SSH2: variants seen among roughly 807,000 people sequenced by gnomAD.
The protein encoded by SSH2 is protein phosphatase Slingshot homolog 2.
In SSH2, 37 loss-of-function variants were observed where a neutral mutation model predicts 135.2. The observed-to-expected ratio is 0.27, with a 90% CI of 0.21 to 0.36. SSH2 has a LOEUF of 0.36. SSH2 is among the 10% of genes least tolerant of loss of function. SSH2 has a pLI of 1.00. For missense variants in SSH2, 1,408 were observed against 1,765.3 expected (o/e 0.80, Z 3.63); for synonymous variants, 628 against 646.2 (o/e 0.97, Z 0.43).
chr17:29,662,247 A>G (rs1403313575), intron 11 of SSH2, among the ~76,000 whole-genome samples: 1 of 152,188 alleles, frequency 6.6e-6, no homozygotes, highest in Non-Finnish European at 1.5e-5. Flanking sequence ...TTTTCATGCT[A>G]TCCTCAGGAA....
chr17:29,756,262 T>G (rs1041790425), intron 3 of SSH2, among the ~76,000 whole-genome samples: 31 of 133,270 alleles, frequency 2.3e-4, no homozygotes, highest in East Asian at 2.3e-3. Context: ...AGACTCTGTC[T>G]CAAAAAAAAA....
intron 1 of SSH2, among the ~76,000 whole-genome samples, chr17:29,918,688 A>C (rs1195120239): frequency 6.6e-6 from 1 of 151,992 alleles, no homozygotes; most frequent in Non-Finnish European, 1.5e-5. Context: ...TGTAATCCCA[A>C]CACTTTGGGA....
chr17:29,693,844 C>G (rs2038599242), intron 5 of SSH2, among the ~76,000 whole-genome samples: 1 of 152,148 alleles, frequency 6.6e-6, no homozygotes, highest in African/African-American at 2.4e-5. Flanking sequence ...TTAAAATGAT[C>G]TTTTCCTCCT....
At chr17:29,758,166 T>G (rs911653943) in intron 3 of SSH2, among the ~76,000 whole-genome samples, 1 of 152,178 alleles carries the variant, frequency 6.6e-6, no homozygotes, top group Non-Finnish European at 1.5e-5. Context: ...AAACTCAGTA[T>G]AGCAAATATA....
At chr17:29,761,164 G>A (rs1167903551) in intron 3 of SSH2, 1 of 1,289,492 alleles carries the variant, frequency 7.8e-7, no homozygotes. Context: ...GGTTGATGGC[G>A]TTCTGCGAGA....
intron 2 of SSH2, among the ~76,000 whole-genome samples, chr17:29,812,574 A>G (rs2042462557): frequency 6.6e-6 from 1 of 152,136 alleles, no homozygotes; most frequent in East Asian, 1.9e-4. Flanking sequence ...GTCAGCCACT[A>G]CGCCCAGCCT....
chr17:29,771,467 T>G (rs563649318), intron 3 of SSH2, among the ~76,000 whole-genome samples: 11 of 152,344 alleles, frequency 7.2e-5, no homozygotes, highest in Non-Finnish European at 1.0e-4. Flanking sequence ...TAGTAAATAT[T>G]TCCTTAAAGA....
Position 29,631,055 on chromosome 17 carries a change from C to A in SSH2, c.4139G>T (p.Ser1380Ile). 6.2e-7 allele frequency: 1 copy of A among 1,614,228 alleles called. No homozygotes were observed. Among genetic ancestry groups the A allele is most frequent in the Non-Finnish European group, 8.5e-7 (1 of 1,180,056 alleles). ...TGCCCTGGGGAGCAAATACTGCTGA[C>A]TAGAACCAAATTCTTTGGCATACTG... ...LVQYAKEFGSSQQYLLPRAGL... is the reference protein window; with the variant it reads ...LVQYAKEFGSIQQYLLPRAGL... Residue 1380 changes from serine (S) to isoleucine (I), a missense_variant, in exon 16 of 16, where the codon AGT (serine) becomes ATT (isoleucine). Ser to Ile is a moderately radical substitution (Grantham distance 142). This residue lies in a region of SSH2 where 1,080 missense variants were observed against 1,144.5 expected (regional missense o/e 0.94). Coordinates refer to ENST00000540801, the MANE Select transcript of SSH2 (RefSeq NM_001282129.2).
At chr17:29,866,116 A>G in intron 1 of SSH2, 1 of 152,514 alleles carries the variant, frequency 6.6e-6, no homozygotes, top group Non-Finnish European at 1.5e-5. Flanking sequence ...AAAAAAAAAA[A>G]AAGAAAGAAA....
rs577256278 is a variant in SSH2, at chr17:29,671,592, T to G, written c.809+343A>C. 3.3e-5 allele frequency among the ~76,000 whole-genome samples: 5 copies of G among 152,370 alleles called. No individual in the cohort carries two copies. In the East Asian group the frequency reaches 5.8e-4, roughly 18 times the overall value. On this transcript the variant is annotated intron_variant, in intron 9 of 15. Transcript: ENST00000540801. ...TGAAAGCTTCTTTATATCACTAATATGCTTACTAAAATGATTCTTTCAGAT... is the reference window on the plus strand; with the variant it reads ...TGAAAGCTTCTTTATATCACTAATAGGCTTACTAAAATGATTCTTTCAGAT...
chr17:29,668,314 G>A (rs1053205729), intron 9 of SSH2, among the ~76,000 whole-genome samples: 4 of 152,200 alleles, frequency 2.6e-5, no homozygotes, highest in African/African-American at 9.6e-5. Flanking sequence ...TACCTGAGCT[G>A]TTTCTCTTCA....
At chr17:29,760,972 T>TC (rs747432102) in intron 3 of SSH2, 21 of 483,494 alleles carry the variant, frequency 4.3e-5, no homozygotes, top group Non-Finnish European at 5.7e-5. Context: ...CCTCCATGAA[T>TC]CCCCCCACCG....
At chr17:29,871,054 A>G (rs141737274) in intron 1 of SSH2, among the ~76,000 whole-genome samples, 79 of 152,264 alleles carry the variant, frequency 5.2e-4, no homozygotes, top group African/African-American at 1.8e-3. Context: ...GCATTTCTAA[A>G]ACTTTTCACA....
At chr17:29,755,951 G>A (rs189632183) in intron 3 of SSH2, among the ~76,000 whole-genome samples, 2 of 143,780 alleles carry the variant, frequency 1.4e-5, no homozygotes, top group East Asian at 2.4e-4. Context: ...GTGAGCCACC[G>A]CGCCAGCTAA....
At chr17:29,842,139 G>GTTGGGGT (rs112916281) in intron 2 of SSH2, among the ~76,000 whole-genome samples, 1 of 150,862 alleles carries the variant, frequency 6.6e-6, no homozygotes, top group South Asian at 2.1e-4. Context: ...TTTAACTGGA[G>GTTGGGGT]GAGACCCTGT....
At chr17:29,781,511 A>G (rs1464292950) in intron 3 of SSH2, among the ~76,000 whole-genome samples, 1 of 116,180 alleles carries the variant, frequency 8.6e-6, no homozygotes, top group Non-Finnish European at 1.6e-5. Flanking sequence ...ATGGAGTCTC[A>G]CTCCATTGCC....
chr17:29,921,724 C>T (rs1824187577), intron 1 of SSH2, among the ~76,000 whole-genome samples: 1 of 152,038 alleles, frequency 6.6e-6, no homozygotes, highest in African/African-American at 2.4e-5. Flanking sequence ...CAGGCATCCA[C>T]CACCGCATCT....
chr17:29,776,107 C>A (rs1417351299), intron 3 of SSH2: 2 of 152,242 alleles, frequency 1.3e-5, no homozygotes, highest in Non-Finnish European at 2.9e-5. Context: ...CCCAGCGACT[C>A]CTCAGGGTTG....
intron 3 of SSH2, among the ~76,000 whole-genome samples, chr17:29,786,047 A>G (rs956901187): frequency 5.3e-5 from 8 of 151,092 alleles, no homozygotes; most frequent in African/African-American, 2.0e-4. Flanking sequence ...CTGGTGATCC[A>G]CCCGCCTCGG....
Sources: gnomAD v4.1 joint callset for allele counts (sites outside exome capture counted in the v4.1 genomes callset) on GRCh38, gnomAD v4.1.1 for gene constraint, gnomAD v4.1.1 regional missense constraint, MANE v1.5 for transcripts, NCBI Gene and HGNC (gene_info 2026-07-23, HGNC 2026-07-21) for gene names.